DST: variants seen among roughly 807,000 people sequenced by gnomAD.
The protein encoded by DST is bullous pemphigoid antigen.
A neutral mutation model predicts 875.2 loss-of-function variants in DST; 253 were observed. The observed-to-expected ratio is 0.29, with a 90% CI of 0.26 to 0.32. The LOEUF (loss-of-function observed/expected upper bound fraction) is 0.32. Among genes scored for constraint, DST ranks in the 10% least tolerant of loss-of-function variants. The probability of loss-of-function intolerance (pLI) is 1.00; values close to 1 mark genes in which losing one functional copy is unlikely to be tolerated. For missense variants in DST, 8,287 were observed against 9,111.6 expected (o/e 0.91, Z 3.68); for synonymous variants, 3,124 against 3,197.1 (o/e 0.98, Z 0.77).
intron 9 of DST, among the ~76,000 whole-genome samples, chr6:56,677,483 A>G (rs2099136753): frequency 6.6e-6 from 1 of 152,108 alleles, no homozygotes; most frequent in Non-Finnish European, 1.5e-5. Flanking sequence ...TGTCTGGCTA[A>G]TTCTTTTAAA....
intron 2 of DST, among the ~76,000 whole-genome samples, chr6:56,921,789 G>A (rs1804383480): frequency 6.6e-6 from 1 of 152,006 alleles, no homozygotes; most frequent in Admixed American, 6.6e-5. Context: ...ACTACCGGCA[G>A]AAAAGGATCT....
At chr6:56,779,233 T>C (rs1368104909) in intron 4 of DST, among the ~76,000 whole-genome samples, 3 of 152,040 alleles carry the variant, frequency 2.0e-5, no homozygotes, top group Non-Finnish European at 2.9e-5. Context: ...ATGGGGTTGT[T>C]TGTTTTTTTC....
chr6:56,867,594 G>A (rs1339995217), intron 3 of DST, among the ~76,000 whole-genome samples: 1 of 152,170 alleles, frequency 6.6e-6, no homozygotes, highest in Non-Finnish European at 1.5e-5. Flanking sequence ...GGCCAAGGTG[G>A]GCGGATCACG....
chr6:56,802,771 T>C (rs2099748741), intron 4 of DST, among the ~76,000 whole-genome samples: 1 of 151,182 alleles, frequency 6.6e-6, no homozygotes, highest in African/African-American at 2.5e-5. Context: ...GAAAAATTTA[T>C]GTCTGCTTTT....
chr6:56,943,866 C>CA (rs1366756923), intron 2 of DST, among the ~76,000 whole-genome samples: 1 of 152,028 alleles, frequency 6.6e-6, no homozygotes, highest in Non-Finnish European at 1.5e-5. Flanking sequence ...CATGTAATCC[C>CA]AGCACTTTGG....
intron 2 of DST, among the ~76,000 whole-genome samples, chr6:56,933,690 G>C (rs1811438331): frequency 6.6e-6 from 1 of 152,166 alleles, no homozygotes; most frequent in South Asian, 2.1e-4. Context: ...ATGAGCAATG[G>C]CATGAAAACA....
At chr6:56,888,541 C>A (rs1785748452) in intron 3 of DST, among the ~76,000 whole-genome samples, 1 of 152,044 alleles carries the variant, frequency 6.6e-6, no homozygotes, top group African/African-American at 2.4e-5. Flanking sequence ...AGGTTATGCA[C>A]ATAGAGCTGC....
Position 56,609,177 on chromosome 6 carries a change from G to T in DST, c.5451C>A (p.Asp1817Glu). 2 of 1,613,820 alleles carry T rather than the reference G, an allele frequency of 1.2e-6. No individual in the cohort carries two copies. The highest frequency in any genetic ancestry group is 1.7e-6 in the Non-Finnish European group (2 of 1,179,786). ...GGCCATGACTTTTGGCATCTTTAAGGTCAAAGCACTTTCTTAATTCTGGTG... is the reference window on the plus strand; with the variant it reads ...GGCCATGACTTTTGGCATCTTTAAGTTCAAAGCACTTTCTTAATTCTGGTG... Reference protein sequence around the residue: ...LISPELRKCFDLKDAKSHGLI... With the variant: ...LISPELRKCFELKDAKSHGLI... Residue 1817 changes from aspartate (D) to glutamate (E), a missense_variant, in exon 40 of 104, where the codon GAC becomes GAA. Transcript: ENST00000680361.
chr6:56,485,554 G>T lies in DST; in HGVS notation c.21048-83C>A, dbSNP rs542301254. ...GAACATCTAAAATTAATTGATGAAG[G>T]TTGAGTGGTACTCAAGGGGAAGAGC... On this transcript the variant is annotated intron_variant, in intron 87 of 103. Transcript: ENST00000680361. 621 of 1,350,644 alleles carry T rather than the reference G, an allele frequency of 4.6e-4. 6 individuals are homozygous for T. The South Asian group carries it at 7.6e-3, about 17-fold the overall frequency. 83.7% of individuals were successfully genotyped at this position (1,350,644 alleles called of 1,614,324 possible). A position where few individuals can be genotyped will look rare whatever the true frequency, so the allele number is the denominator to read the frequency against.
intron 5 of DST, among the ~76,000 whole-genome samples, chr6:56,728,893 A>G (rs2099483620): frequency 6.6e-6 from 1 of 151,874 alleles, no homozygotes; most frequent in African/African-American, 2.4e-5. Flanking sequence ...CCCTATTCTT[A>G]GGAAATACAT....
intron 5 of DST, 24 bp from the exon 6 acceptor site, chr6:56,704,393 G>A: frequency 8.1e-7 from 1 of 1,228,450 alleles, no homozygotes; most frequent in Non-Finnish European, 1.2e-6. Context: ...AGCAAAATTT[G>A]GGGTCCTAGA....
At chr6:56,716,969 C>T (rs1441415583) in intron 5 of DST, among the ~76,000 whole-genome samples, 3 of 152,112 alleles carry the variant, frequency 2.0e-5, no homozygotes, top group Non-Finnish European at 4.4e-5. Context: ...ATCACGAGGT[C>T]AGGAGATCCA....
intron 80 of DST, among the ~76,000 whole-genome samples, chr6:56,500,790 T>A (rs2096092769): frequency 6.6e-6 from 1 of 152,166 alleles, no homozygotes; most frequent in South Asian, 2.1e-4. Context: ...AGGATTTAAA[T>A]CTTTAGTGTT....
At chr6:56,867,661 A>G (rs1389471388) in intron 3 of DST, among the ~76,000 whole-genome samples, 1 of 152,170 alleles carries the variant, frequency 6.6e-6, no homozygotes, top group East Asian at 1.9e-4. Context: ...CTCTACTAAA[A>G]ATACAAAAAT....
intron 80 of DST, 95 bp from the exon 81 acceptor site, chr6:56,498,148 TCAAA>T: frequency 1.6e-6 from 2 of 1,248,812 alleles, no homozygotes; most frequent in Non-Finnish European, 2.3e-6. Flanking sequence ...TGAAACATCC[TCAAA>T]CAAAAACGTT....
chr6:56,838,653 G>T (rs187401689), intron 4 of DST, among the ~76,000 whole-genome samples: 1 of 151,950 alleles, frequency 6.6e-6, no homozygotes, highest in East Asian at 1.9e-4. Context: ...AAGAACAAAA[G>T]AAACTGAAAA....
At chr6:56,892,114 A>C (rs1174620028) in intron 3 of DST, among the ~76,000 whole-genome samples, 2 of 152,196 alleles carry the variant, frequency 1.3e-5, no homozygotes, top group Non-Finnish European at 1.5e-5. Flanking sequence ...TGCTATGATC[A>C]CACTACTCAC....
chr6:56,511,318 G>C lies in DST; in HGVS notation c.18659C>G (p.Pro6220Arg), dbSNP rs1211965426. 1 of 1,607,206 alleles carries C rather than the reference G, an allele frequency of 6.2e-7. No individual in the cohort carries two copies. Reference sequence around the variant, plus strand: ...CTCTTGGATAGAAAAGCCTTCCCCAGGGCTCAATTCCAGTAACTGTGGCCC... The same window carrying C: ...CTCTTGGATAGAAAAGCCTTCCCCACGGCTCAATTCCAGTAACTGTGGCCC... ...KTGPQLLELS[P>R]GEGFSIQEKY... Residue 6220 changes from proline to arginine, a missense_variant, in exon 73 of 104, where the codon CCT becomes CGT. Transcript: ENST00000680361.
intron 15 of DST, among the ~76,000 whole-genome samples, chr6:56,643,399 C>T (rs925575744): frequency 6.6e-6 from 1 of 152,182 alleles, no homozygotes; most frequent in African/African-American, 2.4e-5. Context: ...GAAAAAGTAT[C>T]CATTTACCTT....
Sources: allele counts gnomAD v4.1 joint callset (sites outside exome capture counted in the v4.1 genomes callset), GRCh38; gene constraint gnomAD v4.1.1; transcripts MANE v1.5; gene names NCBI Gene and HGNC (gene_info 2026-07-23, HGNC 2026-07-21).